The following CCDC80 variants were observed in gnomAD, a reference collection of about 807,000 sequenced individuals.
The protein encoded by CCDC80 is coiled-coil domain containing 80, also known as coiled-coil domain-containing protein 80.
In CCDC80, 49 loss-of-function variants were observed where a neutral mutation model predicts 78.7. The ratio of observed to expected loss-of-function variants is 0.62; its 90% CI spans 0.50 to 0.79. The LOEUF (loss-of-function observed/expected upper bound fraction) is 0.79. Ranked by LOEUF, CCDC80 falls within the 30% of genes least tolerant of loss-of-function variation. The probability of loss-of-function intolerance (pLI) is 0.00; values close to 1 mark genes in which losing one functional copy is unlikely to be tolerated. For synonymous variants in CCDC80, 488 were observed against 447.0 expected (o/e 1.09, Z -1.16); for missense variants, 1,205 against 1,198.6 (o/e 1.01, Z -0.08).
rs367550839 is a variant in CCDC80 at position 112,616,691 on chromosome 3, G to A, written c.2321+19C>T. The A allele has an allele frequency of 5.3e-5, 85 of 1,613,410 alleles. No homozygotes were observed. The South Asian group carries it at 7.6e-4, about 14-fold the overall frequency. On this transcript the variant is annotated intron_variant, in intron 5 of 7. Coordinates refer to ENST00000206423, the MANE Select transcript of CCDC80 (RefSeq NM_199511.3). The stretch of plus-strand genomic sequence containing the variant: ...ACAAATTTGCACCTTCCTCTTTAGC[G>A]ACTCCAAAGGTGATGTACCTGGATA...
At chr3:112,635,109 A>G (rs888066870) in intron 2 of CCDC80, among the ~76,000 whole-genome samples, 1 of 152,204 alleles carries the variant, frequency 6.6e-6, no homozygotes, top group Non-Finnish European at 1.5e-5. Flanking sequence ...GAAGGCCTAT[A>G]GGAAGCCATC....
chr3:112,637,021 A>G (rs1007891520), intron 2 of CCDC80, among the ~76,000 whole-genome samples: 1 of 152,196 alleles, frequency 6.6e-6, no homozygotes, highest in Non-Finnish European at 1.5e-5. Context: ...CATCACTGAT[A>G]AAAACTGCCC....
intron 5 of CCDC80, among the ~76,000 whole-genome samples, chr3:112,613,068 G>A (rs1935664618): frequency 6.6e-6 from 1 of 151,938 alleles, no homozygotes; most frequent in African/African-American, 2.4e-5. Context: ...AGTATTGAAT[G>A]TACCCTTCAC....
In CCDC80 at chr3:112,639,017, C is replaced by T. The variant is rs201947818; in HGVS notation, c.889G>A (p.Gly297Ser). 3.7e-6 allele frequency: 6 copies of T among 1,611,016 alleles called. No homozygotes were observed. The highest frequency in any genetic ancestry group is 2.2e-5 in the East Asian group (1 of 44,886). ...CTTGGCCTTCCTGCTCCCCCTCCAC[C>T]GTCATTCCCCTCCGCCACCACCTGG... ...EGQVVAEGND[G>S]GGGAGRPSLG... is the part of the protein sequence containing the mutation. The change falls in exon 2 of 8, where the codon GGT (glycine) becomes AGT (serine). Residue 297 changes from glycine (G) to serine (S), a missense_variant. Gly to Ser is a moderately conservative substitution (Grantham distance 56). Transcript: ENST00000206423.
rs1160369368 is a variant in CCDC80 at position 112,640,962 on chromosome 3, T to C, written c.-647A>G. On this transcript the variant is annotated 5_prime_UTR_variant, in exon 1 of 8. Transcript: ENST00000206423. ...TTTTTCTTCTTCTTTTTCTTCTTTC[T>C]CTTGCCTGGATTCAGTCCCAGAAAT... is the stretch of plus-strand genomic sequence containing the variant. 2.0e-5 allele frequency: 3 copies of C among 152,236 alleles called. No individual in the cohort carries two copies. The highest frequency in any genetic ancestry group is 2.9e-5 in the Non-Finnish European group (2 of 68,062). 9.4% of individuals were successfully genotyped at this position (152,236 alleles called of 1,614,324 possible).
intron 3 of CCDC80, 85 bp downstream of exon 3, chr3:112,630,028 G>T: frequency 7.9e-7 from 1 of 1,263,962 alleles, no homozygotes; most frequent in South Asian, 1.4e-5. Context: ...ATTTTCTTTT[G>T]GATCCCCCAT....
Position 112,604,294 on chromosome 3 carries a change from A to G in CCDC80, c.*1123T>C, listed in dbSNP as rs139270462. On this transcript the variant is annotated 3_prime_UTR_variant, in exon 8 of 8. Coordinates refer to ENST00000206423, the MANE Select transcript of CCDC80 (RefSeq NM_199511.3). ...ACATGCTGCAGAGAAATCTTTCATGAAGAAAAAGTCAATCGAAGTGGCAAA... is the reference window on the plus strand; with the variant it reads ...ACATGCTGCAGAGAAATCTTTCATGGAGAAAAAGTCAATCGAAGTGGCAAA... The G allele has an allele frequency of 6.6e-6, 1 of 152,330 alleles. No individual in the cohort carries two copies. The highest frequency in any genetic ancestry group is 1.5e-5 in the Non-Finnish European group (1 of 68,034). The allele number at this position is 152,330 out of a possible 1,614,324, so 9.4% of individuals were successfully genotyped here. A position where few individuals can be genotyped will look rare whatever the true frequency, so the allele number is the denominator to read the frequency against.
In CCDC80 at chr3:112,629,745, G is replaced by A. The variant is rs549227992; in HGVS notation, c.2035+368C>T. On this transcript the variant is annotated intron_variant, in intron 3 of 7. Coordinates refer to ENST00000206423, the MANE Select transcript of CCDC80 (RefSeq NM_199511.3). ...CCATCTGTGATGAGTCACCTGCAGCGGAGAGTCTGCAGGAAGATCAGACGG... is the reference window on the plus strand; with the variant it reads ...CCATCTGTGATGAGTCACCTGCAGCAGAGAGTCTGCAGGAAGATCAGACGG... 2.0e-4 allele frequency among the ~76,000 whole-genome samples: 31 copies of A among 152,248 alleles called. No homozygotes were observed. In the South Asian group the frequency reaches 2.7e-3, roughly 13 times the overall value.
intron 1 of CCDC80, 95 bp downstream of exon 1, chr3:112,640,232 A>C (rs1391279720): frequency 3.6e-6 from 1 of 281,430 alleles, no homozygotes; most frequent in African/African-American, 2.2e-5. Context: ...GCAAACTAGC[A>C]TATTAATTAT....
At position 112,639,444 on chromosome 3, in the gene CCDC80, G is replaced by A; in HGVS notation, c.462C>T (p.Ile154=). The A allele has an allele frequency of 6.2e-7, 1 of 1,614,206 alleles. No homozygotes were observed. Among genetic ancestry groups the A allele is most frequent in the African/African-American group, 1.3e-5 (1 of 75,040 alleles). Residue 154 remains isoleucine (I), a synonymous_variant, in exon 2 of 8, where the codon ATC becomes ATT. Coordinates refer to ENST00000206423, the MANE Select transcript of CCDC80 (RefSeq NM_199511.3). ...SFAGKNRVWV[I]SAPHASEGYY... ...AGCCTTCCGAGGCATGAGGGGCTGAGATGACCCATACTCTGTTCTTCCCTG... is the reference window on the plus strand; with the variant it reads ...AGCCTTCCGAGGCATGAGGGGCTGAAATGACCCATACTCTGTTCTTCCCTG...
At position 112,599,890 on chromosome 3, in the gene CCDC80, T is replaced by C. The variant is rs1935344593; in HGVS notation, c.*5527A>G. On this transcript the variant is annotated 3_prime_UTR_variant, in exon 8 of 8. Coordinates refer to ENST00000206423, the MANE Select transcript of CCDC80 (RefSeq NM_199511.3). Reference sequence around the variant, plus strand: ...AAGAGTCTTGTGACAACCAGCAATTTCGGCAAAGCTATGTCCTCAAGAGTC... The same window carrying C: ...AAGAGTCTTGTGACAACCAGCAATTCCGGCAAAGCTATGTCCTCAAGAGTC... 6.6e-6 allele frequency: 1 copy of C among 152,198 alleles called. No homozygotes were observed. The highest frequency in any genetic ancestry group is 1.5e-5 in the Non-Finnish European group (1 of 68,028). The allele number at this position is 152,198 out of a possible 1,614,324, so 9.4% of individuals were successfully genotyped here. A position where few individuals can be genotyped will look rare whatever the true frequency, so the allele number is the denominator to read the frequency against.
intron 2 of CCDC80, among the ~76,000 whole-genome samples, chr3:112,630,876 G>A (rs1936083730): frequency 6.6e-6 from 1 of 152,084 alleles, no homozygotes; most frequent in African/African-American, 2.4e-5. Flanking sequence ...CAGAGTTGGT[G>A]GTGTTTGTCT....
At chr3:112,629,263 T>C (rs1576791643) in intron 3 of CCDC80, among the ~76,000 whole-genome samples, 1 of 151,516 alleles carries the variant, frequency 6.6e-6, no homozygotes, top group Non-Finnish European at 1.5e-5. Flanking sequence ...CGATGGAATA[T>C]AAAGGATTAC....
Position 112,605,691 on chromosome 3 carries a change from C to A in CCDC80, c.2579G>T (p.Ser860Ile). ...VKDIRNYFQV[S>I]PEYFSMLLVG... is the part of the protein sequence containing the mutation. ...TAGAAGCATGGAGAAGTACTCCGGG[C>A]TCACTTGAAAATAGTTACGAATGTC... is the stretch of plus-strand genomic sequence containing the variant. Residue 860 changes from serine to isoleucine, a missense_variant, in exon 8 of 8, where the codon AGC becomes ATC. By Grantham distance (142) the Ser-to-Ile change is moderately radical (BLOSUM62 -2). Transcript: ENST00000206423. 6.2e-7 allele frequency: 1 copy of A among 1,614,220 alleles called. No homozygotes were observed. Among genetic ancestry groups the A allele is most frequent in the South Asian group, 1.1e-5 (1 of 91,090 alleles).
At chr3:112,622,135 G>A (rs550685897) in intron 3 of CCDC80, among the ~76,000 whole-genome samples, 42 of 152,170 alleles carry the variant, frequency 2.8e-4, no homozygotes, top group Non-Finnish European at 4.0e-4. Flanking sequence ...ATGCCAAAAT[G>A]CCTCACACTC....
rs560386080 is a variant in CCDC80 at position 112,610,097 on chromosome 3, A to G, written c.2322-16T>C. 3 of 1,604,526 alleles carry G rather than the reference A, an allele frequency of 1.9e-6. No homozygotes were observed. Among genetic ancestry groups the G allele is most frequent in the African/African-American group, 2.7e-5 (2 of 74,698 alleles). On this transcript the variant is annotated splice_polypyrimidine_tract_variant and intron_variant, in intron 5 of 7. Transcript: ENST00000206423. Reference sequence around the variant, plus strand: ...CCACCGGAACCTGGAAAAAAAAAGCAGGACACCATTACTGCTTACTGCTTC... The same window carrying G: ...CCACCGGAACCTGGAAAAAAAAAGCGGGACACCATTACTGCTTACTGCTTC...
In CCDC80 at chr3:112,600,109, CAG is replaced by C. The variant is rs1208819624; in HGVS notation, c.*5306_*5307del. 1 of 152,194 alleles carries C rather than the reference CAG, an allele frequency of 6.6e-6. No homozygotes were observed. The highest frequency in any genetic ancestry group is 1.5e-5 in the Non-Finnish European group (1 of 68,032). 9.4% of individuals were successfully genotyped at this position (152,194 alleles called of 1,614,324 possible). On this transcript the variant is annotated 3_prime_UTR_variant, in exon 8 of 8. Transcript: ENST00000206423. ...CTACCTAGTTTATACTACCAGAAGA[CAG>C]AGATTCAGGTTAGCTAGTTTGCTAA... is the stretch of plus-strand genomic sequence containing the variant.
intron 2 of CCDC80, 132 bp from the exon 3 acceptor site, chr3:112,630,401 G>A: frequency 1.1e-6 from 1 of 891,436 alleles, no homozygotes; most frequent in Non-Finnish European, 1.7e-6. Flanking sequence ...CTGCTGAACA[G>A]TTAGCATAAT....
At chr3:112,623,740 T>C (rs1576788619) in intron 3 of CCDC80, among the ~76,000 whole-genome samples, 1 of 152,240 alleles carries the variant, frequency 6.6e-6, no homozygotes, top group African/African-American at 2.4e-5. Flanking sequence ...ATCTATTAAC[T>C]CTTCCTCCAC....
Sources: allele counts gnomAD v4.1 joint callset (sites outside exome capture counted in the v4.1 genomes callset), GRCh38; gene constraint gnomAD v4.1.1; transcripts MANE v1.5; gene names NCBI Gene and HGNC (gene_info 2026-07-23, HGNC 2026-07-21).